ZNF263: variants seen among roughly 807,000 people sequenced by gnomAD.
ZNF263 encodes zinc finger protein 263.
A neutral mutation model predicts 63.1 loss-of-function variants in ZNF263; 49 were observed. The ratio of observed to expected loss-of-function variants is 0.78; its 90% CI spans 0.62 to 0.99. ZNF263 has a LOEUF of 0.99. ZNF263 is among the 50% of genes least tolerant of loss of function. The pLI, the probability that ZNF263 is intolerant of heterozygous loss-of-function variation, is 0.00. For missense variants in ZNF263, 872 were observed against 854.8 expected, an observed-to-expected ratio of 1.02 and a Z score of -0.25; for synonymous variants, 352 against 324.2, an observed-to-expected ratio of 1.09 and a Z score of -0.92.
chr16:3,288,921 G>C (rs180885365), intron 5 of ZNF263, among the ~76,000 whole-genome samples: 17 of 152,208 alleles, frequency 1.1e-4, no homozygotes, highest in African/African-American at 4.1e-4. Flanking sequence ...GGATTTACAA[G>C]TGTGAGCCAC....
At chr16:3,296,435 CA>C (rs1016791966), downstream of ZNF263, among the ~76,000 whole-genome samples, 1 of 152,130 alleles carries the variant, frequency 6.6e-6, no homozygotes, top group African/African-American at 2.4e-5. Context: ...GAAGGTCTTT[CA>C]AAAGAGGCAA....
chr16:3,293,637 G>A (rs1350523721), downstream of ZNF263, among the ~76,000 whole-genome samples: 2 of 152,316 alleles, frequency 1.3e-5, no homozygotes, highest in Middle Eastern at 3.4e-3. Context: ...GTGACCCTGA[G>A]CAGCAGCCAC....
Position 3,283,928 on chromosome 16 carries a change from C to G in ZNF263, c.110C>G (p.Pro37Arg). The G allele has an allele frequency of 6.2e-7, 1 of 1,613,758 alleles. No individual in the cohort carries two copies. Among genetic ancestry groups the G allele is most frequent in the Non-Finnish European group, 8.5e-7 (1 of 1,179,994 alleles). ...CCCCCACCTGACCCAGGACCGAGCC[C>G]CGAGGCCTCCCACTTGCGCTTCAGA... ...ELPPPDPGPS[P>R]EASHLRFRRF... Residue 37 changes from proline (P) to arginine (R), a missense_variant, in exon 1 of 6, where the codon CCC (proline) becomes CGC (arginine). Physicochemically the swap from Pro to Arg is moderately radical, Grantham distance 103. Coordinates refer to ENST00000219069, the MANE Select transcript of ZNF263 (RefSeq NM_005741.5).
At chr16:3,300,089 T>C (rs1174779145) in intron 2 of ZNF263, 2 of 1,614,224 alleles carry the variant, frequency 1.2e-6, no homozygotes, top group Non-Finnish European at 8.5e-7. Flanking sequence ...TCATCCCCAC[T>C]GTATAGCTGA....
At chr16:3,297,809 A>G (rs1023911649) in intron 1 of ZNF263, among the ~76,000 whole-genome samples, 2 of 152,168 alleles carry the variant, frequency 1.3e-5, no homozygotes, top group African/African-American at 4.8e-5. Flanking sequence ...AAACACTGAA[A>G]GCCAATAAGA....
chr16:3,297,424 G>A (rs1424212423), intron 1 of ZNF263, among the ~76,000 whole-genome samples: 2 of 149,104 alleles, frequency 1.3e-5, no homozygotes, highest in African/African-American at 4.9e-5. Flanking sequence ...GTATTCACCA[G>A]TGTAACAGAA....
At chr16:3,293,669 C>T (rs1959673694), downstream of ZNF263, among the ~76,000 whole-genome samples, 2 of 152,222 alleles carry the variant, frequency 1.3e-5, no homozygotes, top group Admixed American at 6.5e-5. Context: ...AAAGGTAGCA[C>T]ATGAAACCAG....
At chr16:3,293,195 A>G (rs1467827168), downstream of ZNF263, 1 of 152,112 alleles carries the variant, frequency 6.6e-6, no homozygotes, top group Non-Finnish European at 1.5e-5. Context: ...GTTTTCCCCT[A>G]TGCTGTTCTC....
downstream of ZNF263, among the ~76,000 whole-genome samples, chr16:3,292,668 C>A (rs555655426): frequency 6.6e-6 from 1 of 152,338 alleles, no homozygotes; most frequent in Admixed American, 6.5e-5. Context: ...ATCACCCACA[C>A]AGATCTTATG....
In ZNF263 at chr16:3,288,469, G is replaced by A. The variant is rs750327718; in HGVS notation, c.785G>A (p.Ser262Asn). 3 of 1,611,948 alleles carry A rather than the reference G, an allele frequency of 1.9e-6. No individual in the cohort carries two copies. Among genetic ancestry groups the A allele is most frequent in the East Asian group, 2.2e-5 (1 of 44,770 alleles). Residue 262 changes from serine to asparagine, a missense_variant, in exon 5 of 6, where the codon AGT becomes AAT. Transcript: ENST00000219069. ...NVDSLESHIP[S>N]QEVPGTQVGQ... ...TTGTGAACAGAGTCTCACATTCCCA[G>A]TCAGGAGGTCCCAGGCACCCAGGTG...
At chr16:3,285,379 G>T in intron 2 of ZNF263, 140 bp downstream of exon 2, 3 of 1,059,430 alleles carry the variant, frequency 2.8e-6, no homozygotes, top group South Asian at 1.7e-5. Flanking sequence ...AAGACCTGCA[G>T]TTGGTGGTGT....
chr16:3,285,468 C>T (rs555907154), intron 2 of ZNF263, among the ~76,000 whole-genome samples: 1 of 152,252 alleles, frequency 6.6e-6, no homozygotes, highest in South Asian at 2.1e-4. Flanking sequence ...GATTTAGAAC[C>T]ACTTGAATGA....
Position 3,284,209 on chromosome 16 carries a change from A to T in ZNF263, c.387+4A>T, listed in dbSNP as rs1381155346. The T allele has an allele frequency of 7.2e-7, 1 of 1,391,520 alleles. No homozygotes were observed. Among genetic ancestry groups the T allele is most frequent in the Admixed American group, 2.5e-5 (1 of 40,426 alleles). 86.2% of individuals were successfully genotyped at this position (1,391,520 alleles called of 1,614,324 possible). A position where few individuals can be genotyped will look rare whatever the true frequency, so the allele number is the denominator to read the frequency against. On this transcript the variant is annotated splice_donor_region_variant and intron_variant, in intron 1 of 5. Transcript: ENST00000219069. ...GCTTGGGAGACTGAGACAACAGGTG[A>T]GAGAGAGAGAGAGCTGTTTTATCTG...
intron 4 of ZNF263, 137 bp downstream of exon 4, chr16:3,286,286 C>T: frequency 1.5e-6 from 2 of 1,318,582 alleles, no homozygotes; most frequent in Non-Finnish European, 2.0e-6. Context: ...GTCTAAAGTC[C>T]CCTGTACGAG....
intron 2 of ZNF263, 45 bp from the exon 3 acceptor site, chr16:3,285,636 A>T: frequency 6.3e-7 from 1 of 1,594,502 alleles, no homozygotes; most frequent in Non-Finnish European, 8.6e-7. Flanking sequence ...TTGGGTTGCC[A>T]AGAGTTAGGA....
In ZNF263 at chr16:3,290,565, T is replaced by C. The variant is rs545743515; in HGVS notation, c.*7T>C. ...GAGAACTCACACAGGTTAGTAACAG[T>C]GGGGTTTCTCTTTGCCCCAGGTGAG... On this transcript the variant is annotated 3_prime_UTR_variant, in exon 6 of 6. Transcript: ENST00000219069. 7.0e-5 allele frequency: 112 copies of C among 1,595,278 alleles called. No individual in the cohort carries two copies. The highest frequency in any genetic ancestry group is 8.5e-5 in the Non-Finnish European group (100 of 1,170,680).
chr16:3,290,158 G>A lies in ZNF263; in HGVS notation c.1652G>A (p.Cys551Tyr), dbSNP rs143512713. ...GAGAGACTTTACCCCTTCTCTGAGT[G>A]TGGGGAAGCTGTGAGTGACAGCACC... ...ERERLYPFSE[C>Y]GEAVSDSTPF... Residue 551 changes from cysteine to tyrosine, a missense_variant, in exon 6 of 6, where the codon TGT becomes TAT. By Grantham distance (194) the Cys-to-Tyr change is radical (BLOSUM62 -2). Transcript: ENST00000219069. 22 of 1,614,166 alleles carry A rather than the reference G, an allele frequency of 1.4e-5. No homozygotes were observed. In the Middle Eastern group the frequency reaches 4.9e-4, roughly 36 times the overall value.
chr16:3,284,309 A>T (rs530859380), intron 1 of ZNF263, 104 bp downstream of exon 1: 22 of 1,401,328 alleles, frequency 1.6e-5, no homozygotes, highest in Non-Finnish European at 2.0e-5. Flanking sequence ...AGTAGACCTT[A>T]CGTGGGGAAG....
chr16:3,296,237 G>T (rs1959740633), downstream of ZNF263, among the ~76,000 whole-genome samples: 1 of 152,140 alleles, frequency 6.6e-6, no homozygotes, highest in South Asian at 2.1e-4. Context: ...CAGTTAACAG[G>T]AAGTTTCCAG....
Sources: allele counts gnomAD v4.1 joint callset (sites outside exome capture counted in the v4.1 genomes callset), GRCh38; gene constraint gnomAD v4.1.1; transcripts MANE v1.5; gene names NCBI Gene and HGNC (gene_info 2026-07-23, HGNC 2026-07-21).